OTUD4: variants seen among roughly 807,000 people sequenced by gnomAD.
The protein encoded by OTUD4 is OTU deubiquitinase 4.
A neutral mutation model predicts 130.4 loss-of-function variants in OTUD4; 24 were observed. The ratio of observed to expected loss-of-function variants is 0.18; its 90% CI spans 0.13 to 0.26. The LOEUF is 0.26. Ranked by LOEUF, OTUD4 falls within the 10% of genes least tolerant of loss-of-function variation. OTUD4 has a pLI of 1.00. For missense variants in OTUD4, 1,031 were observed against 1,329.4 expected, an observed-to-expected ratio of 0.78 and a Z score of 3.49; for synonymous variants, 420 against 472.5, an observed-to-expected ratio of 0.89 and a Z score of 1.44.
intron 11 of OTUD4, among the ~76,000 whole-genome samples, chr4:145,152,163 G>A (rs896248387): frequency 4.6e-5 from 7 of 152,022 alleles, no homozygotes; most frequent in Non-Finnish European, 7.4e-5. Flanking sequence ...TAGCTCTGTC[G>A]CCAGGCTGGA....
At chr4:145,164,750 TA>T (rs201524577) in intron 4 of OTUD4, among the ~76,000 whole-genome samples, 3 of 149,260 alleles carry the variant, frequency 2.0e-5, no homozygotes, top group South Asian at 2.1e-4. Flanking sequence ...TTCCAAAATT[TA>T]AAAAAAAAAT....
chr4:145,161,672 C>A (rs1041535673), intron 6 of OTUD4, among the ~76,000 whole-genome samples: 2 of 152,094 alleles, frequency 1.3e-5, no homozygotes, highest in Non-Finnish European at 2.9e-5. Context: ...TGTGTTACTG[C>A]CATCCACTAG....
chr4:145,145,214 CA>C (rs1210993692), intron 14 of OTUD4, among the ~76,000 whole-genome samples: 25 of 152,144 alleles, frequency 1.6e-4, no homozygotes, highest in Admixed American at 3.9e-4. Flanking sequence ...GGTATGAATA[CA>C]AGCTTAAACA....
intron 10 of OTUD4, among the ~76,000 whole-genome samples, chr4:145,154,423 T>C (rs1307331882): frequency 1.3e-5 from 2 of 152,146 alleles, no homozygotes; most frequent in Non-Finnish European, 2.9e-5. Context: ...AGTAAATGAG[T>C]GTTTCCTCCA....
chr4:145,155,518 T>TAAGTAGCAC, intron 9 of OTUD4, 43 bp from the exon 10 acceptor site: 1 of 1,599,766 alleles, frequency 6.3e-7, no homozygotes, highest in East Asian at 2.2e-5. Context: ...AGTTGACTTA[T>TAAGTAGCAC]TTTCAAGTGC....
intron 14 of OTUD4, among the ~76,000 whole-genome samples, chr4:145,144,665 A>T (rs1044070601): frequency 2.0e-5 from 3 of 152,234 alleles, no homozygotes; most frequent in African/African-American, 7.2e-5. Context: ...ATTTCAACTT[A>T]GATTAGTAGA....
At chr4:145,164,422 ATAT>A (rs1419190478) in intron 4 of OTUD4, among the ~76,000 whole-genome samples, 196 bp from the exon 5 acceptor site, 2 of 152,086 alleles carry the variant, frequency 1.3e-5, no homozygotes, top group African/African-American at 4.8e-5. Flanking sequence ...AAAATTTCAA[ATAT>A]TATTTGTATA....
chr4:145,137,472 C>T lies in OTUD4; in HGVS notation c.3303G>A (p.Arg1101=). Residue 1101 remains arginine (R), a synonymous_variant, in exon 21 of 21, where the codon AGG becomes AGA. Coordinates refer to ENST00000447906, the MANE Select transcript of OTUD4 (RefSeq NM_001366057.1). ...VRGRPFRGDR[R]RSGMGDGHRG... is the part of the protein sequence containing the mutation. ...TATGGCCATCTCCCATCCCTGATCT[C>T]CTCCTATCTCCCCTAAATGGTCGCC... is the stretch of plus-strand genomic sequence containing the variant. 6.2e-7 allele frequency: 1 copy of T among 1,612,516 alleles called. No individual in the cohort carries two copies. Among genetic ancestry groups the T allele is most frequent in the Admixed American group, 1.7e-5 (1 of 59,956 alleles).
chr4:145,163,118 AAT>A (rs1751664049), intron 5 of OTUD4, among the ~76,000 whole-genome samples: 1 of 152,222 alleles, frequency 6.6e-6, no homozygotes, highest in Non-Finnish European at 1.5e-5. Context: ...TGATTTTCTA[AAT>A]CATCACTTAT....
chr4:145,179,769 C>A lies in OTUD4; in HGVS notation c.159+46G>T, dbSNP rs975911472. 6.7e-6 allele frequency: 8 copies of A among 1,185,198 alleles called. No individual in the cohort carries two copies. In the African/African-American group the frequency reaches 1.3e-4, roughly 19 times the overall value. 73.4% of individuals were successfully genotyped at this position (1,185,198 alleles called of 1,614,324 possible). On this transcript the variant is annotated intron_variant, in intron 1 of 20. Transcript: ENST00000447906. ...TGCCTCCCCACCCAGACCCGCCGGG[C>A]CGTCCCCGCCTCCCCTCGAAGCCCT... is the stretch of plus-strand genomic sequence containing the variant.
chr4:145,137,224 A>C lies in OTUD4; in HGVS notation c.*206T>G. On this transcript the variant is annotated 3_prime_UTR_variant, in exon 21 of 21. Transcript: ENST00000447906. ...TCACTTGATCAACAAACAGATTCTG[A>C]ATGAAGAAAACTGGCAATGCCAGGA... The C allele has an allele frequency of 2.2e-6, 1 of 455,114 alleles. No homozygotes were observed. Among genetic ancestry groups the C allele is most frequent in the African/African-American group, 2.0e-5 (1 of 50,488 alleles). The allele number at this position is 455,114 out of a possible 1,614,324, so 28.2% of individuals were successfully genotyped here. A position where few individuals can be genotyped will look rare whatever the true frequency, so the allele number is the denominator to read the frequency against.
Position 145,137,764 on chromosome 4 carries a change from ACAT to A in OTUD4, c.3008_3010del (p.Asp1003del), listed in dbSNP as rs1252877143. ...AACAGAGTTGGCCCCAGGGCTGACCACATCAGCAGCAGTCTTAGGATCTTTTAC... is the reference window on the plus strand; with the variant it reads ...AACAGAGTTGGCCCCAGGGCTGACCACAGCAGCAGTCTTAGGATCTTTTAC... On this transcript the variant is annotated inframe_deletion, in exon 21 of 21. Transcript: ENST00000447906. The A allele has an allele frequency of 3.1e-6, 5 of 1,613,794 alleles. No individual in the cohort carries two copies. The highest frequency in any genetic ancestry group is 1.7e-5 in the Admixed American group (1 of 59,980).
intron 3 of OTUD4, chr4:145,170,809 T>G (rs1752122044): frequency 6.6e-6 from 1 of 152,192 alleles, no homozygotes; most frequent in Non-Finnish European, 1.5e-5. Flanking sequence ...ACCTTAACAT[T>G]CTAAATGGCA....
intron 19 of OTUD4, 80 bp downstream of exon 19, chr4:145,141,299 C>A: frequency 8.0e-7 from 1 of 1,245,222 alleles, no homozygotes; most frequent in Non-Finnish European, 1.1e-6. Context: ...GACCTCTGAC[C>A]TCTACTTACA....
Position 145,150,534 on chromosome 4 carries a change from C to T in OTUD4, c.1238G>A (p.Arg413Gln), listed in dbSNP as rs766049592. 3.7e-6 allele frequency: 6 copies of T among 1,605,874 alleles called. No homozygotes were observed. The highest frequency in any genetic ancestry group is 2.7e-5 in the African/African-American group (2 of 74,736). The change falls in exon 13 of 21, where the codon CGG becomes CAG. Residue 413 changes from arginine (R) to glutamine (Q), a missense_variant. Physicochemically the swap from Arg to Gln is conservative, Grantham distance 43. This residue lies in a region of OTUD4 where 900 missense variants were observed against 1,095.9 expected (regional missense o/e 0.82). Transcript: ENST00000447906. ...TTACCTTATGATCTGTGAAGGTGTC[C>T]GGCTAAGATTTTTGTGCTCACTGGA... The part of the protein sequence containing the change: ...KFSSEHKNLS[R>Q]TPSQIIRKPD...
intron 13 of OTUD4, among the ~76,000 whole-genome samples, chr4:145,147,963 A>G (rs1750899778): frequency 6.6e-6 from 1 of 152,200 alleles, no homozygotes; most frequent in Admixed American, 6.5e-5. Flanking sequence ...ACATTAGTAA[A>G]ATTCACTCAC....
At chr4:145,143,576 T>C (rs997361421) in intron 16 of OTUD4, 131 bp from the exon 17 acceptor site, 8 of 613,456 alleles carry the variant, frequency 1.3e-5, no homozygotes, top group Admixed American at 3.1e-5. Flanking sequence ...TTTTTTCCAA[T>C]TATATGTTAT....
chr4:145,141,379 C>T lies in OTUD4; in HGVS notation c.2083G>A (p.Asp695Asn). 6.3e-7 allele frequency: 1 copy of T among 1,595,216 alleles called. No individual in the cohort carries two copies. Among genetic ancestry groups the T allele is most frequent in the East Asian group, 2.3e-5 (1 of 44,434 alleles). Residue 695 changes from aspartate to asparagine, a missense_variant and splice_region_variant, in exon 19 of 21, where the codon GAT (aspartate) becomes AAT (asparagine). Asp to Asn is a conservative substitution (Grantham distance 23, BLOSUM62 1). Around this residue, in one of 3 missense-constraint regions of OTUD4, gnomAD observed 900 missense variants for 1,095.9 expected, o/e 0.82. Transcript: ENST00000447906. ...ATTTGAACTTGGAGAAGGAGCTCAC[C>T]TTTAGGTAGGTCCTCCCCAGTCTGA... ...LCQTGEDLPK[D>N]KNILRFFFNL...
chr4:145,149,131 G>C (rs1175974910), intron 13 of OTUD4, among the ~76,000 whole-genome samples: 5 of 152,134 alleles, frequency 3.3e-5, no homozygotes, highest in Admixed American at 3.3e-4. Context: ...ATACTGAATA[G>C]GGTAGGACCT....
Sources: allele counts gnomAD v4.1 joint callset (sites outside exome capture counted in the v4.1 genomes callset), GRCh38; gene constraint gnomAD v4.1.1; regional missense constraint gnomAD v4.1.1; transcripts MANE v1.5; gene names NCBI Gene and HGNC (gene_info 2026-07-23, HGNC 2026-07-21).